The following PAG1 variants were observed in gnomAD, a reference collection of about 807,000 sequenced individuals.
The protein encoded by PAG1 is phosphoprotein associated with glycosphingolipid-enriched microdomains 1.
Under a neutral mutation model 31.7 loss-of-function variants are expected in PAG1, and 23 were observed. The ratio of observed to expected loss-of-function variants is 0.73; its 90% CI spans 0.52 to 1.03. The LOEUF (loss-of-function observed/expected upper bound fraction) is 1.03. PAG1 is among the 50% of genes least tolerant of loss of function. PAG1 has a pLI of 0.00. For missense variants in PAG1, 473 were observed against 540.7 expected (o/e 0.87, Z 1.24); for synonymous variants, 214 against 210.3 (o/e 1.02, Z -0.15).
chr8:81,078,080 G>A (rs962645206), intron 1 of PAG1, among the ~76,000 whole-genome samples: 24 of 152,200 alleles, frequency 1.6e-4, no homozygotes, highest in Non-Finnish European at 2.9e-4. Context: ...TACAGAAGTA[G>A]GAAAATACAC....
intron 2 of PAG1, among the ~76,000 whole-genome samples, chr8:81,058,223 C>G (rs941439150): frequency 1.3e-5 from 2 of 152,012 alleles, no homozygotes; most frequent in African/African-American, 2.4e-5. Context: ...AAAAAGGGAC[C>G]TGTAGATTCT....
intron 1 of PAG1, among the ~76,000 whole-genome samples, chr8:81,070,994 A>C (rs1458351196): frequency 1.3e-5 from 2 of 152,200 alleles, no homozygotes. Context: ...CCACTGGGGG[A>C]AACTGGTGCC....
At position 80,973,580 on chromosome 8, in the gene PAG1, T is replaced by C. The variant is rs189922939; in HGVS notation, c.*2964A>G. Reference sequence around the variant, plus strand: ...CTAAAATTTATTTTTAAATTTCACATAACCTGCTATAATTCGCTGTAAAAA... The same window carrying C: ...CTAAAATTTATTTTTAAATTTCACACAACCTGCTATAATTCGCTGTAAAAA... On this transcript the variant is annotated 3_prime_UTR_variant, in exon 9 of 9. Transcript: ENST00000220597. The C allele has an allele frequency of 1.4e-4, 22 of 152,352 alleles. No individual in the cohort carries two copies. The highest frequency in any genetic ancestry group is 9.1e-4 in the Admixed American group (14 of 15,304). 9.4% of individuals were successfully genotyped at this position (152,352 alleles called of 1,614,324 possible).
intron 8 of PAG1, among the ~76,000 whole-genome samples, chr8:80,980,089 T>C (rs973254914): frequency 2.6e-5 from 4 of 152,180 alleles, no homozygotes; most frequent in African/African-American, 9.7e-5. Flanking sequence ...TTCCAACCCA[T>C]GATTCATTTC....
chr8:81,101,350 C>T (rs190225533), intron 1 of PAG1, among the ~76,000 whole-genome samples: 204 of 152,248 alleles, frequency 1.3e-3, no homozygotes, highest in African/African-American at 4.6e-3. Flanking sequence ...GAAAAATATT[C>T]GTAACACTAA....
At chr8:80,999,954 A>G (rs534666770) in intron 3 of PAG1, among the ~76,000 whole-genome samples, 14 of 152,254 alleles carry the variant, frequency 9.2e-5, no homozygotes, top group Admixed American at 3.9e-4. Context: ...TGGTCTTTCT[A>G]GAAGTACGTA....
intron 2 of PAG1, among the ~76,000 whole-genome samples, chr8:81,031,010 T>C (rs1442899444): frequency 1.3e-5 from 2 of 152,228 alleles, no homozygotes; most frequent in African/African-American, 4.8e-5. Flanking sequence ...TGAGGCATAA[T>C]TCCTGATTTC....
At chr8:81,045,645 C>A (rs116289229) in intron 2 of PAG1, among the ~76,000 whole-genome samples, 127 of 152,198 alleles carry the variant, frequency 8.3e-4, no homozygotes, top group African/African-American at 3.0e-3. Flanking sequence ...ATACTGAAAG[C>A]CACTGAACTG....
chr8:81,079,800 G>A (rs57172221), intron 1 of PAG1, among the ~76,000 whole-genome samples: 13,053 of 151,642 alleles, frequency 0.086, 1,507 homozygotes, highest in African/African-American at 0.26. Context: ...ACAGGGTCTC[G>A]CTCTGTTGCT....
At position 80,976,725 on chromosome 8, in the gene PAG1, A is replaced by G; in HGVS notation, c.1118T>C (p.Leu373Pro). The part of the protein sequence containing the change: ...KDFEKTPNST[L>P]PPAGRPSEEP... ...CTCGCTGGGCCTCCCTGCTGGTGGA[A>G]GTGTGCTGTTTGGAGTTTTTTCGAA... The change falls in exon 9 of 9, where the codon CTT (leucine) becomes CCT (proline). Residue 373 changes from leucine (L) to proline (P), a missense_variant. Physicochemically the swap from Leu to Pro is moderately conservative, Grantham distance 98. Coordinates refer to ENST00000220597, the MANE Select transcript of PAG1 (RefSeq NM_018440.4). The G allele has an allele frequency of 6.2e-7, 1 of 1,613,866 alleles. No individual in the cohort carries two copies. The highest frequency in any genetic ancestry group is 1.3e-5 in the African/African-American group (1 of 74,970).
At chr8:81,080,230 A>C (rs76397568) in intron 1 of PAG1, among the ~76,000 whole-genome samples, 1,981 of 152,184 alleles carry the variant, frequency 0.013, 43 homozygotes, top group African/African-American at 0.044. Flanking sequence ...TAGTTCATGT[A>C]TGCCTATTTC....
chr8:80,985,337 G>A lies in PAG1; in HGVS notation c.315C>T (p.Tyr105=), dbSNP rs113484085. Residue 105 remains tyrosine (Y), a synonymous_variant, in exon 7 of 9, where the codon TAC becomes TAT. Coordinates refer to ENST00000220597, the MANE Select transcript of PAG1 (RefSeq NM_018440.4). ...CCGAGGCCGATGTCTGGACTTCCTC[G>A]TAATGCTGCATGCAGGTCAGAGTAC... ...EDSTLTCMQH[Y]EEVQTSASDL... 29 of 1,613,880 alleles carry A rather than the reference G, an allele frequency of 1.8e-5. No homozygotes were observed. The highest frequency in any genetic ancestry group is 3.3e-5 in the South Asian group (3 of 91,050).
In PAG1 at chr8:80,984,906, GA is replaced by G. The variant is rs1289033952; in HGVS notation, c.745del (p.Ser249HisfsTer72). 7.4e-6 allele frequency: 12 copies of G among 1,614,014 alleles called. No individual in the cohort carries two copies. Among genetic ancestry groups the G allele is most frequent in the Non-Finnish European group, 1.0e-5 (12 of 1,180,022 alleles). ...TGGGGCCTCCTCTTCTGGATCACAT[GA>G]ATTTCCAAGGATACTCTCTACATTA... The part of the protein sequence containing the change: ...SVNVESILGN[S>X]CDPEEEAPPP... On this transcript the variant is annotated frameshift_variant, in exon 7 of 9. Transcript: ENST00000220597. LOFTEE classifies it high-confidence loss of function.
intron 2 of PAG1, among the ~76,000 whole-genome samples, chr8:81,052,615 G>A (rs1213274100): frequency 6.6e-6 from 1 of 152,158 alleles, no homozygotes; most frequent in Non-Finnish European, 1.5e-5. Context: ...GGAAGTATTT[G>A]GAGAAGCTTA....
chr8:81,076,807 C>T (rs1809185974), intron 1 of PAG1, among the ~76,000 whole-genome samples: 1 of 152,162 alleles, frequency 6.6e-6, no homozygotes, highest in Non-Finnish European at 1.5e-5. Context: ...TTATTACTGC[C>T]TCAATATTTA....
intron 3 of PAG1, among the ~76,000 whole-genome samples, chr8:81,003,951 C>T (rs959361353): frequency 1.2e-4 from 19 of 152,226 alleles, no homozygotes; most frequent in Non-Finnish European, 1.8e-4. Flanking sequence ...CATGCAGTGC[C>T]GGGAATCACT....
At chr8:80,979,703 C>G (rs1444562177) in intron 8 of PAG1, among the ~76,000 whole-genome samples, 3 of 152,152 alleles carry the variant, frequency 2.0e-5, no homozygotes, top group African/African-American at 7.2e-5. Flanking sequence ...ACAATTTACT[C>G]TGCTAGGAAT....
chr8:81,070,657 CA>C (rs761038068), intron 1 of PAG1, among the ~76,000 whole-genome samples: 2,374 of 142,006 alleles, frequency 0.017, 20 homozygotes, highest in Non-Finnish European at 0.022. Context: ...CTTTTCAGCA[CA>C]AAAAAAAAAA....
chr8:81,086,492 T>TGTGTGTGTGTGTGCGCGCGC (rs1586211468), intron 1 of PAG1, among the ~76,000 whole-genome samples: 1 of 151,238 alleles, frequency 6.6e-6, no homozygotes, highest in Non-Finnish European at 1.5e-5. Context: ...AGGCAAGAAA[T>TGTGTGTGTGTGTGCGCGCGC]GTGTGTGTGT....
Sources: gnomAD v4.1 joint callset for allele counts (sites outside exome capture counted in the v4.1 genomes callset) on GRCh38, gnomAD v4.1.1 for gene constraint, MANE v1.5 for transcripts, NCBI Gene and HGNC (gene_info 2026-07-23, HGNC 2026-07-21) for gene names.